ARHGAP8: variants seen among roughly 807,000 people sequenced by gnomAD.
ARHGAP8 encodes rho GTPase-activating protein 8.
In ARHGAP8, 62 loss-of-function variants were observed where a neutral mutation model predicts 46.1. The ratio of observed to expected loss-of-function variants is 1.34; its 90% CI spans 1.10 to 1.66. The LOEUF (loss-of-function observed/expected upper bound fraction) is 1.66. Among genes scored for constraint, ARHGAP8 ranks in the 40% most tolerant of loss-of-function variants. The pLI is 0.00. For missense variants in ARHGAP8, 923 were observed against 568.4 expected, an observed-to-expected ratio of 1.62 and a Z score of -6.34; for synonymous variants, 375 against 243.1, an observed-to-expected ratio of 1.54 and a Z score of -5.05.
intron 10 of ARHGAP8, among the ~76,000 whole-genome samples, chr22:44,856,171 C>CATTTCAAT (rs2070216828): frequency 1.3e-5 from 2 of 148,888 alleles, no homozygotes; most frequent in South Asian, 4.4e-4. Flanking sequence ...TTGGGGATTA[C>CATTTCAAT]ATTTCAATGT....
At chr22:44,779,446 G>C (rs1602163341) in intron 1 of ARHGAP8, among the ~76,000 whole-genome samples, 1 of 152,046 alleles carries the variant, frequency 6.6e-6, no homozygotes. Context: ...ACTCACGTCG[G>C]TACGCGTGGC....
At chr22:44,805,032 G>A (rs968387296) in intron 3 of ARHGAP8, among the ~76,000 whole-genome samples, 6 of 152,266 alleles carry the variant, frequency 3.9e-5, no homozygotes, top group South Asian at 4.2e-4. Context: ...GTGAGGAGCC[G>A]ATGCCAGCCT....
chr22:44,831,483 G>A (rs1445559855), intron 7 of ARHGAP8, among the ~76,000 whole-genome samples: 1 of 152,082 alleles, frequency 6.6e-6, no homozygotes, highest in Non-Finnish European at 1.5e-5. Flanking sequence ...ATCACCTGAG[G>A]TCAGGAGTTC....
intron 1 of ARHGAP8, among the ~76,000 whole-genome samples, chr22:44,758,174 G>T (rs2146985151): frequency 6.6e-6 from 1 of 152,274 alleles, no homozygotes; most frequent in East Asian, 1.9e-4. Flanking sequence ...TCTGAGGCCG[G>T]GCACGGTGGC....
At chr22:44,804,292 G>A (rs1470728947) in intron 3 of ARHGAP8, among the ~76,000 whole-genome samples, 4 of 152,124 alleles carry the variant, frequency 2.6e-5, no homozygotes, top group Admixed American at 6.6e-5. Flanking sequence ...CCTCCTTCCT[G>A]GTGAAACTCC....
intron 2 of ARHGAP8, 56 bp downstream of exon 2, chr22:44,786,662 G>C: frequency 6.4e-7 from 1 of 1,561,322 alleles, no homozygotes; most frequent in East Asian, 2.3e-5. Context: ...CTTCCTCTCG[G>C]CAACTTTGAG....
At chr22:44,861,068 A>C (rs1187851065) in intron 11 of ARHGAP8, among the ~76,000 whole-genome samples, 1 of 152,100 alleles carries the variant, frequency 6.6e-6, no homozygotes, top group African/African-American at 2.4e-5. Context: ...CACTGGTGCA[A>C]TCTCAGCTCA....
At chr22:44,812,438 C>T (rs906202767) in intron 4 of ARHGAP8, among the ~76,000 whole-genome samples, 1 of 149,586 alleles carries the variant, frequency 6.7e-6, no homozygotes, top group Non-Finnish European at 1.5e-5. Flanking sequence ...CTCACGGCAA[C>T]CTCTGCCTCC....
chr22:44,800,391 C>T (rs1461309949), intron 2 of ARHGAP8, among the ~76,000 whole-genome samples: 1 of 137,814 alleles, frequency 7.3e-6, no homozygotes, highest in Non-Finnish European at 1.5e-5. Flanking sequence ...CAGACATGAG[C>T]CACTGCACCC....
At chr22:44,809,187 A>G (rs1465072212) in intron 4 of ARHGAP8, 14 of 470,966 alleles carry the variant, frequency 3.0e-5, no homozygotes, top group Non-Finnish European at 4.8e-5. Context: ...GCTCTATTGC[A>G]ACAACTCTGC....
intron 11 of ARHGAP8, among the ~76,000 whole-genome samples, chr22:44,861,417 T>C (rs1212820750): frequency 1.3e-5 from 2 of 152,172 alleles, no homozygotes; most frequent in Non-Finnish European, 2.9e-5. Context: ...AGGGGTGGCC[T>C]GCAGTGGGCC....
intron 1 of ARHGAP8, among the ~76,000 whole-genome samples, chr22:44,763,323 C>G (rs958410834): frequency 2.0e-5 from 3 of 150,962 alleles, no homozygotes; most frequent in African/African-American, 4.9e-5. Flanking sequence ...ATGGTGAAAC[C>G]CCATCTCTAC....
chr22:44,833,370 T>G (rs909958394), intron 7 of ARHGAP8, among the ~76,000 whole-genome samples: 2 of 149,728 alleles, frequency 1.3e-5, no homozygotes, highest in Admixed American at 6.7e-5. Flanking sequence ...TTGGTTGGTT[T>G]GTTCATGTAA....
chr22:44,755,527 G>C lies in ARHGAP8; in HGVS notation c.-72+2900G>C, dbSNP rs557548926. Among the ~76,000 whole-genome samples, 9 of 152,332 alleles carry C rather than the reference G, an allele frequency of 5.9e-5. No homozygotes were observed. The South Asian group carries it at 1.7e-3, about 28-fold the overall frequency. On this transcript the variant is annotated intron_variant, in intron 1 of 11. Transcript: ENST00000356099. ...CCAGGCCTCCCTGGGGTGCATTTGA[G>C]GGGAGAGCCTCTGGGCCCTGCACTG...
chr22:44,788,910 C>T (rs892523374), intron 2 of ARHGAP8, among the ~76,000 whole-genome samples: 17 of 152,204 alleles, frequency 1.1e-4, no homozygotes, highest in African/African-American at 3.1e-4. Context: ...TTCCTGTGCA[C>T]GTGGAAAGAA....
chr22:44,797,217 C>CT (rs370851544), intron 2 of ARHGAP8, among the ~76,000 whole-genome samples: 10,636 of 127,902 alleles, frequency 0.083, 1,044 homozygotes, highest in African/African-American at 0.24. Flanking sequence ...TGCTACTTGG[C>CT]TTTTTTTTTT....
At chr22:44,842,459 A>G (rs1931715955) in intron 7 of ARHGAP8, among the ~76,000 whole-genome samples, 2 of 152,232 alleles carry the variant, frequency 1.3e-5, no homozygotes, top group African/African-American at 4.8e-5. Flanking sequence ...TGGATCAAAC[A>G]GTGTGACTGT....
chr22:44,814,843 A>G (rs1929620406), intron 5 of ARHGAP8, 85 bp downstream of exon 5: 7 of 1,481,766 alleles, frequency 4.7e-6, no homozygotes, highest in Non-Finnish European at 6.5e-6. Flanking sequence ...CTATCCACGC[A>G]TCATGGAGGG....
intron 6 of ARHGAP8, among the ~76,000 whole-genome samples, chr22:44,824,615 TTTTC>T (rs1217292034): frequency 6.9e-6 from 1 of 145,870 alleles, no homozygotes; most frequent in Non-Finnish European, 1.5e-5. Flanking sequence ...GGGTCTTTTC[TTTTC>T]TTTCTTCTTC....
Sources: gnomAD v4.1 joint callset for allele counts (sites outside exome capture counted in the v4.1 genomes callset) on GRCh38, gnomAD v4.1.1 for gene constraint, MANE v1.5 for transcripts, NCBI Gene and HGNC (gene_info 2026-07-23, HGNC 2026-07-21) for gene names.